FHIT: variants seen among roughly 807,000 people sequenced by gnomAD.
FHIT encodes bis(5'-adenosyl)-triphosphatase.
Under a neutral mutation model 17.9 loss-of-function variants are expected in FHIT, and 19 were observed. The ratio of observed to expected loss-of-function variants is 1.06; its 90% CI spans 0.74 to 1.56. The LOEUF (loss-of-function observed/expected upper bound fraction) is 1.56, where lower values mean the gene tolerates loss of function less well. Among genes scored for constraint, FHIT ranks in the 40% most tolerant of loss-of-function variants. The probability of loss-of-function intolerance (pLI) is 0.00; values close to 1 mark genes in which losing one functional copy is unlikely to be tolerated. For synonymous variants in FHIT, 81 were observed against 69.7 expected (o/e 1.16, Z -0.81); for missense variants, 248 against 189.2 (o/e 1.31, Z -1.82).
At chr3:60,863,556 G>C (rs1553753175) in intron 3 of FHIT, among the ~76,000 whole-genome samples, 1 of 152,126 alleles carries the variant, frequency 6.6e-6, no homozygotes, top group Non-Finnish European at 1.5e-5. Context: ...TCATCAATCT[G>C]AGGTTTACTA....
intron 4 of FHIT, among the ~76,000 whole-genome samples, chr3:60,547,730 T>C (rs575683390): frequency 1.4e-4 from 21 of 152,276 alleles, no homozygotes; most frequent in African/African-American, 4.6e-4. Flanking sequence ...TAAAATTTAA[T>C]AAACATAAAA....
At chr3:60,804,725 T>C (rs1553733436) in intron 4 of FHIT, among the ~76,000 whole-genome samples, 1 of 152,172 alleles carries the variant, frequency 6.6e-6, no homozygotes, top group African/African-American at 2.4e-5. Context: ...CTTCTAGAGA[T>C]TCAACCTCTA....
intron 5 of FHIT, among the ~76,000 whole-genome samples, chr3:60,151,953 G>A (rs1297657072): frequency 6.6e-6 from 1 of 151,964 alleles, no homozygotes; most frequent in Non-Finnish European, 1.5e-5. Context: ...AATCCCTATG[G>A]GCACAAGTAC....
intron 2 of FHIT, among the ~76,000 whole-genome samples, chr3:61,049,578 T>A (rs1205356813): frequency 6.6e-6 from 1 of 152,100 alleles, no homozygotes; most frequent in Non-Finnish European, 1.5e-5. Flanking sequence ...AAAGGACATA[T>A]ATCATTATTT....
chr3:61,240,878 G>A (rs1003102215), intron 1 of FHIT, among the ~76,000 whole-genome samples: 1 of 151,786 alleles, frequency 6.6e-6, no homozygotes, highest in Admixed American at 6.5e-5. Flanking sequence ...CACAGGCCTT[G>A]GTACCTCAAT....
intron 4 of FHIT, among the ~76,000 whole-genome samples, chr3:60,618,560 T>G (rs868910342): frequency 1.3e-5 from 2 of 152,232 alleles, no homozygotes; most frequent in Non-Finnish European, 2.9e-5. Context: ...TGCGTTAATT[T>G]GCTGAGGGCA....
rs1444821317 is a variant in FHIT at position 60,611,386 on chromosome 3, T to G, written c.-17-74407A>C. ...CAGGACATTAATGCCTAGTGTTCCA[T>G]TATAGGAACGCTAAGCATGTGGGAG... is the stretch of plus-strand genomic sequence containing the variant. On this transcript the variant is annotated intron_variant, in intron 4 of 9. Transcript: ENST00000492590. Among the ~76,000 whole-genome samples the G allele has an allele frequency of 2.6e-5, 4 of 152,268 alleles. No homozygotes were observed. In the East Asian group the frequency reaches 7.7e-4, roughly 29 times the overall value.
At chr3:60,350,664 T>C (rs988353721) in intron 5 of FHIT, among the ~76,000 whole-genome samples, 2 of 152,128 alleles carry the variant, frequency 1.3e-5, no homozygotes, top group Non-Finnish European at 2.9e-5. Flanking sequence ...ACTTAAAGTA[T>C]GGCTATGGAA....
intron 4 of FHIT, among the ~76,000 whole-genome samples, chr3:60,818,470 C>T (rs1701812137): frequency 6.6e-6 from 1 of 152,158 alleles, no homozygotes; most frequent in Admixed American, 6.6e-5. Context: ...GTTCTTTTAT[C>T]TTTGTGATAA....
intron 7 of FHIT, among the ~76,000 whole-genome samples, chr3:59,957,051 T>G (rs1173505310): frequency 6.6e-6 from 1 of 152,240 alleles, no homozygotes; most frequent in African/African-American, 2.4e-5. Flanking sequence ...CCTTCAGTCC[T>G]GGAAACCTGG....
At chr3:60,703,439 A>G (rs1401343229) in intron 4 of FHIT, among the ~76,000 whole-genome samples, 1 of 152,228 alleles carries the variant, frequency 6.6e-6, no homozygotes, top group Non-Finnish European at 1.5e-5. Flanking sequence ...GTATAATCAA[A>G]TCATTTAATC....
chr3:60,729,034 T>C (rs1553710407), intron 4 of FHIT, among the ~76,000 whole-genome samples: 1 of 152,108 alleles, frequency 6.6e-6, no homozygotes, highest in African/African-American at 2.4e-5. Context: ...CAAAACAAAA[T>C]TCACATATGC....
intron 8 of FHIT, among the ~76,000 whole-genome samples, chr3:59,845,087 T>C (rs1433561685): frequency 6.6e-6 from 1 of 152,210 alleles, no homozygotes; most frequent in Non-Finnish European, 1.5e-5. Flanking sequence ...TTGTTTATAT[T>C]ACTTGCTTAT....
At chr3:60,888,437 G>A (rs1705334852) in intron 3 of FHIT, among the ~76,000 whole-genome samples, 1 of 152,052 alleles carries the variant, frequency 6.6e-6, no homozygotes, top group Non-Finnish European at 1.5e-5. Context: ...TGGGGTCAGT[G>A]TCAGTATCTC....
In FHIT at chr3:60,763,649, G is replaced by A. The variant is rs138005622; in HGVS notation, c.-18+58270C>T. Among the ~76,000 whole-genome samples, 87 of 152,286 alleles carry A rather than the reference G, an allele frequency of 5.7e-4. 5 individuals carry two copies. The East Asian group carries it at 9.7e-3, about 17-fold the overall frequency. ...CCAGCAACACATGGCGATGAGCTGT[G>A]TTCTTTAATAATGTATTGGCTACTA... On this transcript the variant is annotated intron_variant, in intron 4 of 9. Transcript: ENST00000492590.
chr3:60,239,674 A>G (rs778146400), intron 5 of FHIT, among the ~76,000 whole-genome samples: 8 of 152,226 alleles, frequency 5.3e-5, no homozygotes, highest in Non-Finnish European at 7.3e-5. Flanking sequence ...TCCCTAAAGC[A>G]TGGAAAAACA....
At chr3:60,922,028 T>A (rs1209289406) in intron 3 of FHIT, among the ~76,000 whole-genome samples, 1 of 152,188 alleles carries the variant, frequency 6.6e-6, no homozygotes, top group Admixed American at 6.5e-5. Flanking sequence ...AGATACCTGG[T>A]AATGAAATAC....
At chr3:60,259,833 A>T (rs1331331128) in intron 5 of FHIT, among the ~76,000 whole-genome samples, 1 of 151,992 alleles carries the variant, frequency 6.6e-6, no homozygotes, top group African/African-American at 2.4e-5. Context: ...TGAGGTGGAG[A>T]AAGAGTAAAG....
At chr3:60,293,763 G>A (rs906394894) in intron 5 of FHIT, among the ~76,000 whole-genome samples, 1 of 152,124 alleles carries the variant, frequency 6.6e-6, no homozygotes, top group African/African-American at 2.4e-5. Context: ...AAAGAGGAAT[G>A]GCAAATTTAA....
Sources: allele counts gnomAD v4.1 joint callset (sites outside exome capture counted in the v4.1 genomes callset), GRCh38; gene constraint gnomAD v4.1.1; transcripts MANE v1.5; gene names NCBI Gene and HGNC (gene_info 2026-07-23, HGNC 2026-07-21).